The following ADGRB3 variants were observed in gnomAD, a reference collection of about 807,000 sequenced individuals.
ADGRB3 encodes adhesion G protein-coupled receptor B3.
Under a neutral mutation model 193.4 loss-of-function variants are expected in ADGRB3, and 37 were observed. That is an observed-to-expected ratio of 0.19 (90% confidence interval 0.15 to 0.25). The LOEUF is 0.25. ADGRB3 is among the 10% of genes least tolerant of loss of function. The probability of loss-of-function intolerance (pLI) is 1.00; values close to 1 mark genes in which losing one functional copy is unlikely to be tolerated. For missense variants in ADGRB3, 1,637 were observed against 1,852.9 expected (o/e 0.88, Z 2.14); for synonymous variants, 690 against 644.2 (o/e 1.07, Z -1.08).
intron 22 of ADGRB3, among the ~76,000 whole-genome samples, chr6:69,329,742 T>C (rs1768672219): frequency 6.6e-6 from 1 of 152,184 alleles, no homozygotes; most frequent in African/African-American, 2.4e-5. Context: ...TCATTTTCAC[T>C]TTCCTGGATT....
At chr6:68,661,065 A>G (rs972591643) in intron 3 of ADGRB3, among the ~76,000 whole-genome samples, 4 of 150,476 alleles carry the variant, frequency 2.7e-5, no homozygotes, top group Non-Finnish European at 6.0e-5. Flanking sequence ...ATGATTTTAT[A>G]TACAAAAAAA....
intron 3 of ADGRB3, among the ~76,000 whole-genome samples, chr6:68,682,761 C>T (rs1764917795): frequency 6.6e-6 from 1 of 151,662 alleles, no homozygotes; most frequent in African/African-American, 2.4e-5. Flanking sequence ...GCAATGTTTT[C>T]TTTTTCTTTC....
At chr6:68,792,211 C>T (rs1469580761) in intron 3 of ADGRB3, among the ~76,000 whole-genome samples, 1 of 152,166 alleles carries the variant, frequency 6.6e-6, no homozygotes. Context: ...TTCTGCAATT[C>T]ATAAAGAAGT....
rs1490743068 is a variant in ADGRB3 at position 68,817,340 on chromosome 6, TATATATATA to T, written c.758-113218_758-113210del. Among the ~76,000 whole-genome samples, 72 of 110,804 alleles carry T rather than the reference TATATATATA, an allele frequency of 6.5e-4. 2 individuals carry two copies. The highest frequency in any genetic ancestry group is 9.4e-4 in the Admixed American group (11 of 11,714). 72.7% of individuals were successfully genotyped at this position (110,804 alleles called of 152,430 possible). A position where few individuals can be genotyped will look rare whatever the true frequency, so the allele number is the denominator to read the frequency against. On this transcript the variant is annotated intron_variant, in intron 3 of 31. Transcript: ENST00000370598. The stretch of plus-strand genomic sequence containing the variant: ...ATATATATATATATATATATATATA[TATATATATA>T]TATATATATATAATTTCTGACTGTT...
At chr6:68,868,358 G>A (rs963760121) in intron 3 of ADGRB3, among the ~76,000 whole-genome samples, 2 of 151,994 alleles carry the variant, frequency 1.3e-5, no homozygotes, top group African/African-American at 4.8e-5. Flanking sequence ...AGTTTCTGAG[G>A]CCTCCCCAGC....
chr6:69,294,559 C>G (rs765702292), intron 20 of ADGRB3, among the ~76,000 whole-genome samples: 1 of 152,094 alleles, frequency 6.6e-6, no homozygotes, highest in Non-Finnish European at 1.5e-5. Flanking sequence ...TTCGCTCCGA[C>G]ACTTCCCACA....
chr6:69,211,863 A>G lies in ADGRB3; in HGVS notation c.2481-21427A>G, dbSNP rs548458278. On this transcript the variant is annotated intron_variant, in intron 17 of 31. Coordinates refer to ENST00000370598, the MANE Select transcript of ADGRB3 (RefSeq NM_001704.3). ...TTCTATATGGATTACAACTGTGTGC[A>G]TTACAATCAATTCTGTATGGATTAC... Among the ~76,000 whole-genome samples, 8 of 152,354 alleles carry G rather than the reference A, an allele frequency of 5.3e-5. 1 individual carries two copies. The East Asian group carries it at 1.3e-3, about 26-fold the overall frequency.
intron 3 of ADGRB3, among the ~76,000 whole-genome samples, chr6:68,681,102 G>A (rs573970703): frequency 6.6e-6 from 1 of 152,084 alleles, no homozygotes; most frequent in Non-Finnish European, 1.5e-5. Flanking sequence ...GGGCAAAGGA[G>A]AGTGAGCAAA....
In ADGRB3 at chr6:69,030,005, T is replaced by C. The variant is rs567947475; in HGVS notation, c.2107+11506T>C. ...ACACACACACACACACACACACACA[T>C]ATATATATAGCTCATCATCACTGGT... is the stretch of plus-strand genomic sequence containing the variant. On this transcript the variant is annotated intron_variant, in intron 13 of 31. Transcript: ENST00000370598. Among the ~76,000 whole-genome samples, 843 of 91,614 alleles carry C rather than the reference T, an allele frequency of 9.2e-3. 3 individuals carry two copies. Among genetic ancestry groups the C allele is most frequent in the Non-Finnish European group, 0.012 (547 of 44,334 alleles). 60.1% of individuals were successfully genotyped at this position (91,614 alleles called of 152,430 possible).
chr6:68,818,436 C>T (rs1767677421), intron 3 of ADGRB3, among the ~76,000 whole-genome samples: 1 of 151,972 alleles, frequency 6.6e-6, no homozygotes, highest in South Asian at 2.1e-4. Flanking sequence ...AACCCTCCAT[C>T]CAGTCTGGTG....
intron 10 of ADGRB3, among the ~76,000 whole-genome samples, chr6:68,981,686 A>G (rs537840232): frequency 6.6e-6 from 1 of 151,584 alleles, no homozygotes; most frequent in East Asian, 1.9e-4. Flanking sequence ...ACAAATGGGC[A>G]TGGCTGTGTT....
At chr6:69,124,014 C>T (rs1192661829) in intron 17 of ADGRB3, among the ~76,000 whole-genome samples, 2 of 152,074 alleles carry the variant, frequency 1.3e-5, no homozygotes, top group African/African-American at 2.4e-5. Context: ...TGAAAATACA[C>T]TTGTAGGATG....
At chr6:69,180,316 G>C (rs893552094) in intron 17 of ADGRB3, among the ~76,000 whole-genome samples, 2 of 152,346 alleles carry the variant, frequency 1.3e-5, no homozygotes, top group East Asian at 3.9e-4. Context: ...ATCTGCCTGG[G>C]CATGGAGCAG....
chr6:69,008,070 A>C (rs1769817860), intron 11 of ADGRB3, among the ~76,000 whole-genome samples: 1 of 152,162 alleles, frequency 6.6e-6, no homozygotes, highest in African/African-American at 2.4e-5. Context: ...CATTTGCAAG[A>C]GAGGAGCCCT....
intron 8 of ADGRB3, among the ~76,000 whole-genome samples, chr6:68,964,908 G>T (rs890349989): frequency 6.6e-6 from 1 of 152,018 alleles, no homozygotes; most frequent in Admixed American, 6.6e-5. Flanking sequence ...ACAATAAAAA[G>T]ACTCCTCTGC....
chr6:69,065,760 T>TACACACACACAC (rs1485700358), intron 16 of ADGRB3, among the ~76,000 whole-genome samples: 7,540 of 114,640 alleles, frequency 0.066, 255 homozygotes, highest in East Asian at 0.12. Flanking sequence ...TTCATGTATA[T>TACACACACACAC]ATATACACAC....
intron 3 of ADGRB3, among the ~76,000 whole-genome samples, chr6:68,841,528 T>A (rs1160060881): frequency 2.0e-5 from 3 of 152,076 alleles, no homozygotes; most frequent in African/African-American, 7.2e-5. Context: ...ATGGAGAAAT[T>A]AAGAAGAGAA....
chr6:68,925,999 A>G (rs1767168745), intron 3 of ADGRB3, among the ~76,000 whole-genome samples: 1 of 152,076 alleles, frequency 6.6e-6, no homozygotes, highest in Non-Finnish European at 1.5e-5. Context: ...AACCTTATTG[A>G]CAGCAGGAAT....
At chr6:69,135,444 T>A (rs1277909296) in intron 17 of ADGRB3, among the ~76,000 whole-genome samples, 1 of 152,098 alleles carries the variant, frequency 6.6e-6, no homozygotes, top group Non-Finnish European at 1.5e-5. Flanking sequence ...GTTACCTTTG[T>A]AAAAACCATG....
Sources: allele counts gnomAD v4.1 joint callset (sites outside exome capture counted in the v4.1 genomes callset), GRCh38; gene constraint gnomAD v4.1.1; transcripts MANE v1.5; gene names NCBI Gene and HGNC (gene_info 2026-07-23, HGNC 2026-07-21).